Variants in IRS1 observed in about 807,000 individuals in gnomAD.
The protein encoded by IRS1 is insulin receptor substrate 1.
IRS1 carries 34 observed loss-of-function variants against 65.6 expected under a neutral mutation model. The ratio of observed to expected loss-of-function variants is 0.52; its 90% CI spans 0.39 to 0.69. The LOEUF (loss-of-function observed/expected upper bound fraction) is 0.69, where lower values mean the gene tolerates loss of function less well. Among genes scored for constraint, IRS1 ranks in the 30% least tolerant of loss-of-function variants. The probability of loss-of-function intolerance (pLI) is 0.00; values close to 1 mark genes in which losing one functional copy is unlikely to be tolerated. For synonymous variants in IRS1, 699 were observed against 683.5 expected (o/e 1.02, Z -0.35); for missense variants, 1,641 against 1,720.2 (o/e 0.95, Z 0.81).
chr2:226,773,834 T>C (rs1574654157), intron 1 of IRS1, among the ~76,000 whole-genome samples: 1 of 151,872 alleles, frequency 6.6e-6, no homozygotes, highest in South Asian at 2.1e-4. Flanking sequence ...TCCAGGAGAG[T>C]AGTCTTAAGG....
At chr2:226,757,546 T>C (rs1423833452) in intron 1 of IRS1, among the ~76,000 whole-genome samples, 1 of 152,094 alleles carries the variant, frequency 6.6e-6, no homozygotes, top group Non-Finnish European at 1.5e-5. Flanking sequence ...AACCCGAAAG[T>C]GGAGGTTGCA....
At chr2:226,784,755 C>T (rs116463032) in intron 1 of IRS1, among the ~76,000 whole-genome samples, 25 of 152,296 alleles carry the variant, frequency 1.6e-4, no homozygotes, top group African/African-American at 4.8e-4. Context: ...ACCACATTCT[C>T]GAAAGTTTCT....
chr2:226,732,467 T>A lies in IRS1; in HGVS notation c.*3805A>T, dbSNP rs974668884. ...CTCAAGTTTCTCACAAGCCTATACA[T>A]CTATATATATATATATATATATATA... On this transcript the variant is annotated 3_prime_UTR_variant, in exon 2 of 2. Transcript: ENST00000305123. 1 of 136,614 alleles carries A rather than the reference T, an allele frequency of 7.3e-6. No individual in the cohort carries two copies. The highest frequency in any genetic ancestry group is 7.7e-5 in the Admixed American group (1 of 12,972). 8.5% of individuals were successfully genotyped at this position (136,614 alleles called of 1,614,324 possible).
At chr2:226,781,865 TACACACACACACAC>T (rs34695433) in intron 1 of IRS1, among the ~76,000 whole-genome samples, 8 of 131,596 alleles carry the variant, frequency 6.1e-5, no homozygotes, top group South Asian at 5.0e-4. Context: ...CACCCCTAAA[TACACACACACACAC>T]ACACACACAC....
chr2:226,787,439 G>A (rs909978071), intron 1 of IRS1, among the ~76,000 whole-genome samples: 4 of 152,144 alleles, frequency 2.6e-5, no homozygotes, highest in Admixed American at 6.5e-5. Flanking sequence ...TGGTTTTCCC[G>A]GATAACTTAT....
Position 226,731,461 on chromosome 2 carries a change from A to C in IRS1, c.*4811T>G, listed in dbSNP as rs184292310. 2 of 152,352 alleles carry C rather than the reference A, an allele frequency of 1.3e-5. No homozygotes were observed. The highest frequency in any genetic ancestry group is 2.1e-4 in the South Asian group (1 of 4,830). The allele number at this position is 152,352 out of a possible 1,614,324, so 9.4% of individuals were successfully genotyped here. ...CACTACAATTCTAAGTACCAGACAG[A>C]ATCAGGAAAAAAAAAATTGAAAATA... On this transcript the variant is annotated 3_prime_UTR_variant, in exon 2 of 2. Transcript: ENST00000305123.
intron 1 of IRS1, among the ~76,000 whole-genome samples, chr2:226,767,137 A>G (rs1393071624): frequency 6.6e-6 from 1 of 152,196 alleles, no homozygotes; most frequent in East Asian, 1.9e-4. Context: ...TAGGTGTTAG[A>G]GCAGAATAGT....
chr2:226,734,671 C>G lies in IRS1; in HGVS notation c.*1601G>C, dbSNP rs1199409980. 1 of 152,196 alleles carries G rather than the reference C, an allele frequency of 6.6e-6. No individual in the cohort carries two copies. The highest frequency in any genetic ancestry group is 1.5e-5 in the Non-Finnish European group (1 of 68,036). The allele number at this position is 152,196 out of a possible 1,614,324, so 9.4% of individuals were successfully genotyped here. A position where few individuals can be genotyped will look rare whatever the true frequency, so the allele number is the denominator to read the frequency against. ...AGAGAGATAGAGGCTCCCACAGACT[C>G]AGAGGGAGCCTGATATTTGCATTAA... On this transcript the variant is annotated 3_prime_UTR_variant, in exon 2 of 2. Transcript: ENST00000305123.
rs1939201143 is a variant in IRS1 at position 226,773,502 on chromosome 2, G to A, written c.*21+21487C>T. Among the ~76,000 whole-genome samples, 4 of 151,474 alleles carry A rather than the reference G, an allele frequency of 2.6e-5. No individual in the cohort carries two copies. The South Asian group carries it at 8.3e-4, about 32-fold the overall frequency. On this transcript the variant is annotated intron_variant, in intron 1 of 1. Transcript: ENST00000305123. ...TAGCATGTCAGGAATTCTACTGCAA[G>A]AATTATACAACAAGCTGAGACAATT...
intron 1 of IRS1, among the ~76,000 whole-genome samples, chr2:226,785,607 A>C (rs978498448): frequency 1.3e-5 from 2 of 152,264 alleles, no homozygotes; most frequent in African/African-American, 4.8e-5. Flanking sequence ...CGTCTCAAAA[A>C]GCAAACAAAA....
Position 226,796,781 on chromosome 2 carries a change from TGGCGTCTGATG to T in IRS1, c.1947_1957del (p.Ile650SerfsTer21). 1 of 1,586,058 alleles carries T rather than the reference TGGCGTCTGATG, an allele frequency of 6.3e-7. No individual in the cohort carries two copies. The highest frequency in any genetic ancestry group is 2.2e-5 in the East Asian group (1 of 44,582). On this transcript the variant is annotated frameshift_variant, in exon 1 of 2. Transcript: ENST00000305123. LOFTEE classifies it high-confidence loss of function. Reference sequence around the variant, plus strand: ...GCCATTGGGGTCCACTCTCTGGGGATGGCGTCTGATGGGATTGATGATCTGCTGTGGGGCAG... The same window carrying T: ...GCCATTGGGGTCCACTCTCTGGGGATGGATTGATGATCTGCTGTGGGGCAG...
intron 1 of IRS1, among the ~76,000 whole-genome samples, chr2:226,737,340 CATT>C (rs1332122054): frequency 6.6e-6 from 1 of 151,998 alleles, no homozygotes; most frequent in African/African-American, 2.4e-5. Context: ...TCCAGTCTAT[CATT>C]GTTGGACATT....
intron 1 of IRS1, among the ~76,000 whole-genome samples, chr2:226,783,041 T>C (rs941408905): frequency 4.6e-5 from 7 of 152,168 alleles, no homozygotes; most frequent in Admixed American, 2.0e-4. Context: ...ACCTAGTTCA[T>C]AGTAGACATC....
intron 1 of IRS1, among the ~76,000 whole-genome samples, chr2:226,779,437 A>G (rs561892547): frequency 2.6e-5 from 4 of 152,340 alleles, no homozygotes; most frequent in African/African-American, 9.6e-5. Flanking sequence ...TGCCAGACTC[A>G]TTCCACTGAG....
intron 1 of IRS1, among the ~76,000 whole-genome samples, chr2:226,774,675 C>A (rs1939234440): frequency 6.6e-6 from 1 of 152,136 alleles, no homozygotes. Context: ...TCTTCAAACA[C>A]ATGTAGAGAA....
In IRS1 at chr2:226,797,959, C is replaced by T; in HGVS notation, c.780G>A (p.Met260Ile). ...HETILEAMRAMSDEFRPRSKS... is the reference protein window; with the variant it reads ...HETILEAMRAISDEFRPRSKS... ...TGCTGCGAGGGCGGAACTCATCACT[C>T]ATGGCCCGCATGGCCTCCAGGATGG... The change falls in exon 1 of 2, where the codon ATG becomes ATA. Residue 260 changes from methionine (M) to isoleucine (I), a missense_variant. Coordinates refer to ENST00000305123, the MANE Select transcript of IRS1 (RefSeq NM_005544.3). The surrounding 1 kb of genome is among the most constrained non-coding windows in gnomAD (Gnocchi z 8.1). 1 of 1,614,136 alleles carries T rather than the reference C, an allele frequency of 6.2e-7. No homozygotes were observed. Among genetic ancestry groups the T allele is most frequent in the Non-Finnish European group, 8.5e-7 (1 of 1,180,026 alleles).
intron 1 of IRS1, among the ~76,000 whole-genome samples, chr2:226,747,547 T>G (rs1194566321): frequency 1.3e-5 from 2 of 152,132 alleles, no homozygotes. Flanking sequence ...GAGAAATAAA[T>G]GTGTGTTGTT....
intron 1 of IRS1, among the ~76,000 whole-genome samples, chr2:226,773,341 C>T (rs1273406588): frequency 6.6e-6 from 1 of 152,116 alleles, no homozygotes; most frequent in Admixed American, 6.5e-5. Context: ...GGGCCCTTCA[C>T]AGTCAACAAG....
chr2:226,753,436 G>A (rs2106163592), intron 1 of IRS1, among the ~76,000 whole-genome samples: 1 of 152,254 alleles, frequency 6.6e-6, no homozygotes, highest in South Asian at 2.1e-4. Flanking sequence ...AGGCAGAGTA[G>A]AATCATACCA....
Sources: gnomAD v4.1 joint callset for allele counts (sites outside exome capture counted in the v4.1 genomes callset) on GRCh38, gnomAD v4.1.1 for gene constraint, Gnocchi (gnomAD v3.1) non-coding constraint, MANE v1.5 for transcripts, NCBI Gene and HGNC (gene_info 2026-07-23, HGNC 2026-07-21) for gene names.